ATP8A2: variants seen among roughly 807,000 people sequenced by gnomAD.
ATP8A2 encodes ATPase phospholipid transporting 8A2, also known as phospholipid-transporting ATPase IB.
Under a neutral mutation model 165.6 loss-of-function variants are expected in ATP8A2, and 100 were observed. The ratio of observed to expected loss-of-function variants is 0.60; its 90% confidence interval spans 0.51 to 0.71. ATP8A2 has a LOEUF of 0.71. Ranked by LOEUF, ATP8A2 falls within the 30% of genes least tolerant of loss-of-function variation. The probability of loss-of-function intolerance (pLI) is 0.00; values close to 1 mark genes in which losing one functional copy is unlikely to be tolerated. For synonymous variants in ATP8A2, 543 were observed against 548.8 expected, an observed-to-expected ratio of 0.99 and a Z score of 0.15; for missense variants, 1,227 against 1,479.5, an observed-to-expected ratio of 0.83 and a Z score of 2.80.
chr13:25,988,213 G>A (rs568949706), intron 35 of ATP8A2, among the ~76,000 whole-genome samples: 2 of 152,328 alleles, frequency 1.3e-5, no homozygotes, highest in East Asian at 1.9e-4. Flanking sequence ...AGCCTCAGCC[G>A]CTGGGGTCCC....
chr13:25,974,203 G>A (rs1162046418), intron 35 of ATP8A2, among the ~76,000 whole-genome samples: 1 of 152,194 alleles, frequency 6.6e-6, no homozygotes, highest in Non-Finnish European at 1.5e-5. Flanking sequence ...CATTCGCTTT[G>A]AGGTTTAAAT....
intron 30 of ATP8A2, among the ~76,000 whole-genome samples, chr13:25,840,682 T>C (rs1227086108): frequency 6.6e-6 from 1 of 152,244 alleles, no homozygotes; most frequent in Non-Finnish European, 1.5e-5. Context: ...ACTCAGTGGA[T>C]TTAATTTATT....
At chr13:25,580,437 A>G (rs2039742700) in intron 22 of ATP8A2, among the ~76,000 whole-genome samples, 1 of 151,792 alleles carries the variant, frequency 6.6e-6, no homozygotes. Flanking sequence ...CTTTCAATTT[A>G]TTGGTTTCCT....
At chr13:25,645,334 C>T (rs1397779862) in intron 24 of ATP8A2, among the ~76,000 whole-genome samples, 2 of 152,194 alleles carry the variant, frequency 1.3e-5, no homozygotes, top group Non-Finnish European at 1.5e-5. Context: ...TTACCTCCCC[C>T]TGGGTCCCTC....
chr13:25,849,633 C>T (rs563125013), intron 30 of ATP8A2, among the ~76,000 whole-genome samples: 41 of 152,282 alleles, frequency 2.7e-4, no homozygotes, highest in African/African-American at 9.4e-4. Context: ...TTGGAGAGCT[C>T]ATGTGGTTTT....
intron 27 of ATP8A2, among the ~76,000 whole-genome samples, chr13:25,782,030 CAG>C (rs1307746370): frequency 1.4e-4 from 21 of 152,190 alleles, no homozygotes; most frequent in Non-Finnish European, 2.9e-5. Context: ...TTAGAATCAA[CAG>C]AGAGTAGATG....
intron 25 of ATP8A2, among the ~76,000 whole-genome samples, chr13:25,736,365 A>G (rs769860217): frequency 6.6e-6 from 1 of 152,244 alleles, no homozygotes; most frequent in Non-Finnish European, 1.5e-5. Context: ...ATGTGGTCAC[A>G]GAAGGCACTA....
At chr13:25,514,363 A>G (rs544738213) in intron 2 of ATP8A2, among the ~76,000 whole-genome samples, 2 of 152,270 alleles carry the variant, frequency 1.3e-5, no homozygotes, top group African/African-American at 4.8e-5. Flanking sequence ...TTCTGTATTC[A>G]TTTAAAATCT....
chr13:25,372,440 G>GCCGTGCGC lies in ATP8A2; in HGVS notation c.76+153_76+154insCGTGCGCC. On this transcript the variant is annotated intron_variant, in intron 1 of 36. Transcript: ENST00000381655. The surrounding 1 kb of genome is among the most constrained non-coding windows in gnomAD (Gnocchi z 4.8). Reference sequence around the variant, plus strand: ...GGGCTGCAGGATCCGCCGACGCGGCGCGCTGGCCGCACGGGGGCTGGGCGT... The same window carrying GCCGTGCGC: ...GGGCTGCAGGATCCGCCGACGCGGCGCCGTGCGCCGCTGGCCGCACGGGGGCTGGGCGT... 1.9e-6 allele frequency: 1 copy of GCCGTGCGC among 513,716 alleles called. No individual in the cohort carries two copies. The highest frequency in any genetic ancestry group is 3.0e-6 in the Non-Finnish European group (1 of 333,264). The allele number at this position is 513,716 out of a possible 1,614,324, so 31.8% of individuals were successfully genotyped here.
chr13:25,815,600 G>A (rs914372486), intron 27 of ATP8A2, among the ~76,000 whole-genome samples: 11 of 152,116 alleles, frequency 7.2e-5, no homozygotes, highest in Non-Finnish European at 1.6e-4. Flanking sequence ...AAGTAAAATG[G>A]TTTAGCCACT....
At chr13:25,445,278 G>T (rs2138213277) in intron 1 of ATP8A2, among the ~76,000 whole-genome samples, 1 of 152,300 alleles carries the variant, frequency 6.6e-6, no homozygotes, top group Non-Finnish European at 1.5e-5. Context: ...ATTAAAATAG[G>T]TTGAATTAGA....
intron 1 of ATP8A2, among the ~76,000 whole-genome samples, chr13:25,400,780 G>A (rs2033611822): frequency 1.3e-5 from 2 of 152,322 alleles, no homozygotes; most frequent in South Asian, 4.1e-4. Flanking sequence ...CTCCTATGCT[G>A]TGGCAGTTAC....
chr13:25,875,373 T>C (rs1952796476), intron 33 of ATP8A2, among the ~76,000 whole-genome samples: 1 of 151,778 alleles, frequency 6.6e-6, no homozygotes, highest in Non-Finnish European at 1.5e-5. Context: ...GTACCCATCT[T>C]TTTTTGGTAT....
At chr13:25,419,259 T>A (rs2034225610) in intron 1 of ATP8A2, among the ~76,000 whole-genome samples, 1 of 152,140 alleles carries the variant, frequency 6.6e-6, no homozygotes, top group Admixed American at 6.6e-5. Context: ...TTTGGTCCAA[T>A]CACTTAACTC....
intron 15 of ATP8A2, among the ~76,000 whole-genome samples, chr13:25,561,513 C>G (rs1474728603): frequency 2.0e-5 from 3 of 149,628 alleles, no homozygotes; most frequent in Admixed American, 2.0e-4. Flanking sequence ...GCCCTCCTCT[C>G]CCACCCTCCC....
At chr13:25,860,978 G>A (rs1323587020) in intron 32 of ATP8A2, 118 bp downstream of exon 32, 8 of 753,278 alleles carry the variant, frequency 1.1e-5, no homozygotes, top group Non-Finnish European at 1.8e-5. Flanking sequence ...CAGATTTTCT[G>A]TGTAAAAATT....
At chr13:25,455,270 C>T (rs771922739) in intron 1 of ATP8A2, among the ~76,000 whole-genome samples, 2 of 152,128 alleles carry the variant, frequency 1.3e-5, no homozygotes, top group African/African-American at 2.4e-5. Flanking sequence ...GCTGCTAGTG[C>T]GTTGGCAGTG....
intron 33 of ATP8A2, among the ~76,000 whole-genome samples, chr13:25,873,444 G>A (rs1368091416): frequency 6.6e-6 from 1 of 152,150 alleles, no homozygotes; most frequent in Non-Finnish European, 1.5e-5. Flanking sequence ...AAAAGAATCC[G>A]TGCCACTGAA....
intron 33 of ATP8A2, among the ~76,000 whole-genome samples, chr13:25,908,260 G>A (rs1954004052): frequency 6.6e-6 from 1 of 152,182 alleles, no homozygotes; most frequent in Admixed American, 6.5e-5. Flanking sequence ...TAAGTCAGCA[G>A]TCATTGTGTG....
Sources: allele counts gnomAD v4.1 joint callset (sites outside exome capture counted in the v4.1 genomes callset), GRCh38; gene constraint gnomAD v4.1.1; non-coding constraint Gnocchi (gnomAD v3.1); transcripts MANE v1.5; gene names NCBI Gene and HGNC (gene_info 2026-07-23, HGNC 2026-07-21).